Variants in SPTLC3 observed in about 807,000 individuals in gnomAD.
The protein encoded by SPTLC3 is serine palmitoyltransferase long chain base subunit 3.
A neutral mutation model predicts 59.3 loss-of-function variants in SPTLC3; 36 were observed. The ratio of observed to expected loss-of-function variants is 0.61; its 90% CI spans 0.47 to 0.80. The LOEUF is 0.80. SPTLC3 is among the 30% of genes least tolerant of loss of function. The probability of loss-of-function intolerance (pLI) is 0.00; values close to 1 mark genes in which losing one functional copy is unlikely to be tolerated. For synonymous variants in SPTLC3, 257 were observed against 240.8 expected (o/e 1.07, Z -0.62); for missense variants, 625 against 685.1 (o/e 0.91, Z 0.98).
At chr20:13,038,931 C>A (rs1986855290) in intron 1 of SPTLC3, among the ~76,000 whole-genome samples, 2 of 151,870 alleles carry the variant, frequency 1.3e-5, no homozygotes, top group South Asian at 4.1e-4. Context: ...GTTTAATTTC[C>A]ACATATTTGT....
At chr20:13,143,176 A>G (rs1241307692) in intron 9 of SPTLC3, among the ~76,000 whole-genome samples, 4 of 152,248 alleles carry the variant, frequency 2.6e-5, no homozygotes, top group Admixed American at 1.3e-4. Context: ...CAAAAAGACC[A>G]AGAAGGAGAC....
At chr20:13,145,468 C>T (rs2038487910) in intron 9 of SPTLC3, among the ~76,000 whole-genome samples, 1 of 152,132 alleles carries the variant, frequency 6.6e-6, no homozygotes, top group African/African-American at 2.4e-5. Flanking sequence ...TTACAAAACA[C>T]TGTTCAAAGA....
chr20:13,074,149 C>T, intron 3 of SPTLC3, 200 bp from the exon 4 acceptor site: 1 of 760,620 alleles, frequency 1.3e-6, no homozygotes, highest in Non-Finnish European at 2.4e-6. Flanking sequence ...GGTCTGGATC[C>T]TCCGAGGGAA....
intron 9 of SPTLC3, among the ~76,000 whole-genome samples, chr20:13,143,445 T>G (rs2038433409): frequency 6.6e-6 from 1 of 152,200 alleles, no homozygotes; most frequent in Non-Finnish European, 1.5e-5. Flanking sequence ...GGCATTATTA[T>G]TATTATCCTT....
At chr20:13,154,380 G>T (rs1238499363) in intron 10 of SPTLC3, among the ~76,000 whole-genome samples, 4 of 152,072 alleles carry the variant, frequency 2.6e-5, no homozygotes, top group African/African-American at 9.7e-5. Flanking sequence ...GTGAATTTAG[G>T]GAAATCACTT....
intron 6 of SPTLC3, among the ~76,000 whole-genome samples, chr20:13,101,601 T>C (rs578027690): frequency 4.5e-4 from 69 of 152,378 alleles, no homozygotes; most frequent in African/African-American, 1.6e-3. Context: ...TTTCACGGCC[T>C]CAGCTACAGA....
chr20:13,127,174 A>G (rs147645767), intron 9 of SPTLC3, among the ~76,000 whole-genome samples: 401 of 152,362 alleles, frequency 2.6e-3, no homozygotes, highest in Non-Finnish European at 5.2e-3. Context: ...TAGACAAAAC[A>G]CACACAATAA....
intron 6 of SPTLC3, among the ~76,000 whole-genome samples, chr20:13,100,084 G>T (rs1266423513): frequency 1.3e-5 from 2 of 152,132 alleles, no homozygotes; most frequent in Non-Finnish European, 2.9e-5. Context: ...CTATTTTTTA[G>T]CAGTACCAAT....
intron 1 of SPTLC3, among the ~76,000 whole-genome samples, chr20:13,016,129 A>T (rs1040104189): frequency 2.0e-5 from 3 of 152,094 alleles, no homozygotes; most frequent in Non-Finnish European, 2.9e-5. Flanking sequence ...GACAAAAGCT[A>T]TGATGAGGGA....
intron 9 of SPTLC3, among the ~76,000 whole-genome samples, chr20:13,152,663 C>T (rs1483786652): frequency 6.6e-6 from 1 of 152,196 alleles, no homozygotes; most frequent in East Asian, 1.9e-4. Flanking sequence ...GCTCCATCAT[C>T]AAACCAATAA....
rs1242030210 is a variant in SPTLC3, at chr20:13,049,084, G to T, written c.257G>T (p.Trp86Leu). ...TATCTCAGAGACTTTTTAAGAAACT[G>T]GGGAATAGAAAAATGCAACGCAGCT... ...FGYLRDFLRN[W>L]GIEKCNAAVE... Residue 86 changes from tryptophan to leucine, a missense_variant, in exon 2 of 12, where the codon TGG becomes TTG. Transcript: ENST00000399002. The T allele has an allele frequency of 6.2e-7, 1 of 1,613,768 alleles. No individual in the cohort carries two copies. Among genetic ancestry groups the T allele is most frequent in the Non-Finnish European group, 8.5e-7 (1 of 1,179,828 alleles).
chr20:13,136,693 TAAAA>T (rs2038254676), intron 9 of SPTLC3, among the ~76,000 whole-genome samples: 2 of 147,322 alleles, frequency 1.4e-5, no homozygotes, highest in African/African-American at 4.9e-5. Flanking sequence ...AGTATATAAA[TAAAA>T]GTTATATATA....
chr20:13,126,043 A>G (rs1226960763), intron 8 of SPTLC3, among the ~76,000 whole-genome samples: 1 of 151,670 alleles, frequency 6.6e-6, no homozygotes, highest in African/African-American at 2.4e-5. Context: ...CCCCTTAATT[A>G]TCTTCATTCT....
intron 1 of SPTLC3, among the ~76,000 whole-genome samples, chr20:13,020,151 A>T (rs1397747606): frequency 6.6e-6 from 1 of 152,186 alleles, no homozygotes; most frequent in Non-Finnish European, 1.5e-5. Flanking sequence ...ACCAAAAAAG[A>T]GAATATCACA....
At chr20:13,093,457 T>C in intron 5 of SPTLC3, 27 bp from the exon 6 acceptor site, 1 of 1,603,394 alleles carries the variant, frequency 6.2e-7, no homozygotes, top group Admixed American at 1.7e-5. Context: ...TATTGGCTTG[T>C]GTTTTGTGTG....
At chr20:13,013,237 T>A (rs1985348242) in intron 1 of SPTLC3, among the ~76,000 whole-genome samples, 2 of 152,206 alleles carry the variant, frequency 1.3e-5, no homozygotes. Flanking sequence ...CCTTTCTATA[T>A]CCTCTTGAAG....
intron 1 of SPTLC3, among the ~76,000 whole-genome samples, chr20:13,031,667 A>C (rs766464183): frequency 6.6e-6 from 1 of 152,090 alleles, no homozygotes; most frequent in African/African-American, 2.4e-5. Flanking sequence ...GTGCTGTAAG[A>C]CACTACCCAA....
chr20:13,089,695 A>G (rs1340401982), intron 4 of SPTLC3, among the ~76,000 whole-genome samples: 1 of 151,030 alleles, frequency 6.6e-6, no homozygotes, highest in African/African-American at 2.4e-5. Context: ...CTGAGGCAGG[A>G]GAATTGATTG....
intron 9 of SPTLC3, among the ~76,000 whole-genome samples, chr20:13,151,003 A>C (rs6041905): frequency 0.038 from 5,822 of 152,162 alleles, 161 homozygotes; most frequent in African/African-American, 0.08. Context: ...GCAATTTTAC[A>C]TCCATTTGTG....
Sources: gnomAD v4.1 joint callset for allele counts (sites outside exome capture counted in the v4.1 genomes callset) on GRCh38, gnomAD v4.1.1 for gene constraint, MANE v1.5 for transcripts, NCBI Gene and HGNC (gene_info 2026-07-23, HGNC 2026-07-21) for gene names.